The following STPG2 variants were observed in gnomAD, a reference collection of about 807,000 sequenced individuals.
STPG2 encodes the protein sperm tail PG-rich repeat containing 2.
STPG2 carries 56 observed loss-of-function variants against 54.2 expected under a neutral mutation model. The observed-to-expected ratio is 1.03, with a 90% CI of 0.83 to 1.29. STPG2 has a LOEUF of 1.29. Ranked by LOEUF, STPG2 falls within the 50% of genes most tolerant of loss-of-function variation. The pLI, the probability that STPG2 is intolerant of heterozygous loss-of-function variation, is 0.00. For synonymous variants in STPG2, 200 were observed against 181.8 expected, an observed-to-expected ratio of 1.10 and a Z score of -0.81; for missense variants, 596 against 544.9, an observed-to-expected ratio of 1.09 and a Z score of -0.93.
chr4:98,016,506 A>C (rs1325405172), intron 5 of STPG2, among the ~76,000 whole-genome samples: 2 of 151,522 alleles, frequency 1.3e-5, no homozygotes, highest in African/African-American at 4.8e-5. Flanking sequence ...CTTTGAGTTC[A>C]CTGATTTTTG....
At chr4:97,734,956 C>T (rs1724926229) in intron 9 of STPG2, among the ~76,000 whole-genome samples, 1 of 151,772 alleles carries the variant, frequency 6.6e-6, no homozygotes, top group Non-Finnish European at 1.5e-5. Flanking sequence ...GCCTGTAGTC[C>T]CAGTTACTCA....
intron 4 of STPG2, among the ~76,000 whole-genome samples, chr4:97,519,481 G>T (rs1731138646): frequency 6.6e-6 from 1 of 151,920 alleles, no homozygotes; most frequent in Non-Finnish European, 1.5e-5. Flanking sequence ...GGTATGGAAG[G>T]ACTGCCAAAT....
intron 7 of STPG2, among the ~76,000 whole-genome samples, chr4:97,949,405 C>T (rs1045071892): frequency 2.4e-4 from 36 of 152,048 alleles, no homozygotes; most frequent in African/African-American, 7.7e-4. Flanking sequence ...TGGACCATTA[C>T]GCCATTTACG....
chr4:97,946,117 C>T (rs539771911), intron 7 of STPG2, among the ~76,000 whole-genome samples: 11 of 151,892 alleles, frequency 7.2e-5, no homozygotes, highest in Non-Finnish European at 1.2e-4. Context: ...TATCTCATTG[C>T]GGTTTTAATT....
At chr4:97,485,029 G>T (rs576699413) in intron 4 of STPG2, among the ~76,000 whole-genome samples, 41 of 151,572 alleles carry the variant, frequency 2.7e-4, no homozygotes, top group African/African-American at 9.2e-4. Context: ...AAAACTCTCA[G>T]CAAAATCAGC....
At chr4:97,538,797 G>A (rs1340572064) in intron 4 of STPG2, among the ~76,000 whole-genome samples, 1 of 152,148 alleles carries the variant, frequency 6.6e-6, no homozygotes, top group Non-Finnish European at 1.5e-5. Flanking sequence ...AGAGAGAAAG[G>A]TTAGGTTACC....
At chr4:97,638,172 C>T (rs1166462177) in intron 10 of STPG2, among the ~76,000 whole-genome samples, 1 of 151,972 alleles carries the variant, frequency 6.6e-6, no homozygotes, top group Non-Finnish European at 1.5e-5. Context: ...CAGAACAGAG[C>T]CCTCAGAAAT....
intron 9 of STPG2, among the ~76,000 whole-genome samples, chr4:97,801,776 CAGTTT>C (rs1350615473): frequency 2.0e-5 from 3 of 152,196 alleles, no homozygotes; most frequent in African/African-American, 7.2e-5. Flanking sequence ...GACCCATTCT[CAGTTT>C]TGCACTAGTC....
intron 8 of STPG2, among the ~76,000 whole-genome samples, chr4:97,853,125 C>T (rs935696020): frequency 2.6e-5 from 4 of 151,496 alleles, no homozygotes; most frequent in African/African-American, 7.3e-5. Context: ...CACAGGCACC[C>T]GCCACCGCGC....
chr4:97,988,330 T>A, intron 5 of STPG2, among the ~76,000 whole-genome samples: 1 of 152,184 alleles, frequency 6.6e-6, no homozygotes, highest in East Asian at 1.9e-4. Flanking sequence ...TCTGCTTTTT[T>A]TAACCTTATT....
chr4:97,567,844 G>A (rs1407495134), intron 10 of STPG2, among the ~76,000 whole-genome samples: 1 of 152,064 alleles, frequency 6.6e-6, no homozygotes, highest in Non-Finnish European at 1.5e-5. Context: ...AAGGAAATAG[G>A]AGCAAAAGAA....
At chr4:97,749,178 C>T (rs1464123117) in intron 9 of STPG2, among the ~76,000 whole-genome samples, 5 of 151,670 alleles carry the variant, frequency 3.3e-5, no homozygotes, top group African/African-American at 1.2e-4. Context: ...AAGAATCCTC[C>T]ATTCTTCTTC....
At chr4:97,659,085 C>G (rs2148959700) in intron 10 of STPG2, among the ~76,000 whole-genome samples, 1 of 152,118 alleles carries the variant, frequency 6.6e-6, no homozygotes, top group East Asian at 1.9e-4. Context: ...TAAAGAAAAG[C>G]TCTTAGAGGT....
At chr4:97,939,543 C>T (rs1732895965) in intron 8 of STPG2, among the ~76,000 whole-genome samples, 1 of 152,164 alleles carries the variant, frequency 6.6e-6, no homozygotes, top group Non-Finnish European at 1.5e-5. Context: ...GAAACCTTTA[C>T]CATTATGTAA....
intron 5 of STPG2, among the ~76,000 whole-genome samples, chr4:98,090,687 AGC>A (rs1738659357): frequency 6.6e-6 from 1 of 152,108 alleles, no homozygotes; most frequent in African/African-American, 2.4e-5. Flanking sequence ...CCCAACCATC[AGC>A]ATGGGATATG....
intron 9 of STPG2, among the ~76,000 whole-genome samples, chr4:97,809,320 G>T (rs1226359653): frequency 1.3e-5 from 2 of 152,116 alleles, no homozygotes; most frequent in Non-Finnish European, 2.9e-5. Context: ...GAGTAAACTA[G>T]TTGTGACAGG....
At chr4:97,660,096 G>A (rs1722332993) in intron 10 of STPG2, among the ~76,000 whole-genome samples, 1 of 151,016 alleles carries the variant, frequency 6.6e-6, no homozygotes, top group Non-Finnish European at 1.5e-5. Context: ...TCCGCCTCCC[G>A]GGTTCACACC....
At chr4:97,634,378 C>T (rs1052438081) in intron 10 of STPG2, among the ~76,000 whole-genome samples, 4 of 152,082 alleles carry the variant, frequency 2.6e-5, no homozygotes, top group Non-Finnish European at 5.9e-5. Context: ...TAGATAAAAC[C>T]ACAAAGATGG....
At chr4:97,774,418 T>G (rs1474662166) in intron 9 of STPG2, among the ~76,000 whole-genome samples, 2 of 152,168 alleles carry the variant, frequency 1.3e-5, no homozygotes. Context: ...CTCCTCCTCC[T>G]CAAGTCAAAA....
Sources: gnomAD v4.1 joint callset for allele counts (sites outside exome capture counted in the v4.1 genomes callset) on GRCh38, gnomAD v4.1.1 for gene constraint, MANE v1.5 for transcripts, NCBI Gene and HGNC (gene_info 2026-07-23, HGNC 2026-07-21) for gene names.